ZYG11B: variants seen among roughly 807,000 people sequenced by gnomAD.
The protein encoded by ZYG11B is zyg-11 family member B, cell cycle regulator, also known as protein zyg-11 homolog B.
A neutral mutation model predicts 82.4 loss-of-function variants in ZYG11B; 36 were observed. That is an observed-to-expected ratio of 0.44 (90% CI 0.33 to 0.58). ZYG11B has a LOEUF of 0.58. ZYG11B is among the 20% of genes least tolerant of loss of function. ZYG11B has a pLI of 0.02. For synonymous variants in ZYG11B, 303 were observed against 312.8 expected (o/e 0.97, Z 0.33); for missense variants, 552 against 895.6 (o/e 0.62, Z 4.90).
intron 1 of ZYG11B, among the ~76,000 whole-genome samples, chr1:52,731,181 G>A (rs993311974): frequency 1.9e-4 from 29 of 151,754 alleles, no homozygotes; most frequent in African/African-American, 7.0e-4. Context: ...GCTGAGGCAG[G>A]AGAATTGCTT....
At chr1:52,786,188 T>G (rs505444) in intron 5 of ZYG11B, among the ~76,000 whole-genome samples, 35 of 152,092 alleles carry the variant, frequency 2.3e-4, no homozygotes. Flanking sequence ...GTATTGAAAA[T>G]TCACTGGCAA....
intron 10 of ZYG11B, among the ~76,000 whole-genome samples, chr1:52,803,087 C>CACACAT (rs1471683117): frequency 3.5e-4 from 8 of 22,548 alleles, no homozygotes; most frequent in African/African-American, 8.4e-4. Flanking sequence ...TATATATACA[C>CACACAT]ATATATATAT....
At chr1:52,747,765 T>C (rs1210871582) in intron 1 of ZYG11B, among the ~76,000 whole-genome samples, 1 of 152,080 alleles carries the variant, frequency 6.6e-6, no homozygotes, top group African/African-American at 2.4e-5. Context: ...GAATCAGATA[T>C]AAAGGGCAGT....
chr1:52,771,818 C>T lies in ZYG11B; in HGVS notation c.951+44C>T. The T allele has an allele frequency of 6.4e-7, 1 of 1,560,150 alleles. No homozygotes were observed. Among genetic ancestry groups the T allele is most frequent in the Non-Finnish European group, 8.7e-7 (1 of 1,154,114 alleles). ...ATTATTTTGTCAGGCTGACCAATAT[C>T]TTAGTTGCATAAGACTCTATTAAAG... is the stretch of plus-strand genomic sequence containing the variant. On this transcript the variant is annotated intron_variant, in intron 3 of 13. Transcript: ENST00000294353. The surrounding 1 kb of genome is among the most constrained non-coding windows in gnomAD (Gnocchi z 5.4).
chr1:52,797,177 TA>T (rs1645025387), intron 8 of ZYG11B, among the ~76,000 whole-genome samples: 1 of 79,164 alleles, frequency 1.3e-5, no homozygotes, highest in African/African-American at 5.5e-5. Flanking sequence ...ATATTATATA[TA>T]TTTATATATT....
rs1644747832 is a variant in ZYG11B at position 52,771,267 on chromosome 1, C to G, written c.444C>G (p.Leu148=). The G allele has an allele frequency of 6.2e-7, 1 of 1,614,110 alleles. No individual in the cohort carries two copies. The highest frequency in any genetic ancestry group is 1.1e-5 in the South Asian group (1 of 91,088). ...LQCLVLNSLT[L]SLEDPYERCF... ...GCCTGGTGCTGAATTCATTAACTCT[C>G]TCCCTCGAGGATCCTTACGAGCGCT... The change falls in exon 3 of 14, where the codon CTC becomes CTG. Residue 148 remains leucine (L), a synonymous_variant. Transcript: ENST00000294353. This position sits in a 1 kb window ranked among gnomAD's most constrained non-coding sequence, Gnocchi z 5.4.
Position 52,816,824 on chromosome 1 carries a change from T to C in ZYG11B, c.2044+195T>C, listed in dbSNP as rs556999920. Among the ~76,000 whole-genome samples the C allele has an allele frequency of 8.6e-4, 128 of 148,254 alleles. 1 individual carries two copies. Among genetic ancestry groups the C allele is most frequent in the African/African-American group, 3.2e-3 (124 of 38,964 alleles). ...TTTTTTTGAGACGAAGTCTCGCTCT[T>C]GTTCCCCAGGCTGGAGTACAGTGGC... On this transcript the variant is annotated intron_variant, in intron 13 of 13. Transcript: ENST00000294353.
rs1234287164 is a variant in ZYG11B, at chr1:52,729,664, G to A, written c.30+2981G>A. 2.0e-5 allele frequency among the ~76,000 whole-genome samples: 3 copies of A among 152,296 alleles called. No homozygotes were observed. In the East Asian group the frequency reaches 5.8e-4, roughly 29 times the overall value. Reference sequence around the variant, plus strand: ...AGACCAGCCTGGCCAACATGGCAAAGCCTCGTCTCTACTAAAAATACAAAA... The same window carrying A: ...AGACCAGCCTGGCCAACATGGCAAAACCTCGTCTCTACTAAAAATACAAAA... On this transcript the variant is annotated intron_variant, in intron 1 of 13. Coordinates refer to ENST00000294353, the MANE Select transcript of ZYG11B (RefSeq NM_024646.3).
Position 52,826,715 on chromosome 1 carries a change from GC to G in ZYG11B, c.*5088del, listed in dbSNP as rs1178436460. 2.0e-5 allele frequency: 3 copies of G among 152,142 alleles called. No individual in the cohort carries two copies. The highest frequency in any genetic ancestry group is 4.4e-5 in the Non-Finnish European group (3 of 68,046). 9.4% of individuals were successfully genotyped at this position (152,142 alleles called of 1,614,324 possible). A position where few individuals can be genotyped will look rare whatever the true frequency, so the allele number is the denominator to read the frequency against. ...AAGTAAAGCTCTTTTGGATAGCACA[GC>G]CTAACTTTACAGCTAGACAGAATGG... is the stretch of plus-strand genomic sequence containing the variant. On this transcript the variant is annotated 3_prime_UTR_variant, in exon 14 of 14. Coordinates refer to ENST00000294353, the MANE Select transcript of ZYG11B (RefSeq NM_024646.3).
At chr1:52,773,612 TATATATATATATA>T in intron 3 of ZYG11B, among the ~76,000 whole-genome samples, 4 of 18,668 alleles carry the variant, frequency 2.1e-4, no homozygotes, top group South Asian at 2.7e-3. Context: ...TATATATATA[TATATATATATATA>T]TATTTTTTTT....
chr1:52,759,435 G>A (rs1158510006), intron 2 of ZYG11B, among the ~76,000 whole-genome samples: 4 of 152,198 alleles, frequency 2.6e-5, no homozygotes, highest in Non-Finnish European at 5.9e-5. Context: ...TAATAGGAGT[G>A]GGTTTTAAGC....
intron 1 of ZYG11B, among the ~76,000 whole-genome samples, chr1:52,732,228 C>T (rs1352508079): frequency 1.3e-5 from 2 of 151,950 alleles, no homozygotes; most frequent in Non-Finnish European, 2.9e-5. Flanking sequence ...AATTGAAATC[C>T]CTTCCAAGCT....
intron 2 of ZYG11B, among the ~76,000 whole-genome samples, chr1:52,758,646 G>C (rs1644600380): frequency 6.6e-6 from 1 of 152,048 alleles, no homozygotes; most frequent in African/African-American, 2.4e-5. Context: ...AAGTATAAGT[G>C]CCAATAATGT....
intron 10 of ZYG11B, 70 bp downstream of exon 10, chr1:52,802,209 G>A (rs1645080609): frequency 6.7e-7 from 1 of 1,497,942 alleles, no homozygotes; most frequent in Non-Finnish European, 9.1e-7. Flanking sequence ...CACATTGAAA[G>A]TTGCAGCTCT....
intron 1 of ZYG11B, among the ~76,000 whole-genome samples, chr1:52,745,164 T>C (rs927016365): frequency 2.0e-5 from 3 of 152,158 alleles, no homozygotes; most frequent in African/African-American, 7.2e-5. Flanking sequence ...CAAAACAAAC[T>C]AACCAACAAA....
intron 8 of ZYG11B, among the ~76,000 whole-genome samples, chr1:52,800,365 A>G (rs976487801): frequency 8.6e-5 from 13 of 152,034 alleles, no homozygotes; most frequent in African/African-American, 2.9e-4. Flanking sequence ...GTAGAAAAAG[A>G]TGCTTATTTT....
At chr1:52,769,173 T>C (rs1010642184) in intron 2 of ZYG11B, among the ~76,000 whole-genome samples, 23 of 152,172 alleles carry the variant, frequency 1.5e-4, no homozygotes, top group African/African-American at 4.8e-4. Flanking sequence ...ACTTGACATA[T>C]AGTAATTGTT....
intron 8 of ZYG11B, among the ~76,000 whole-genome samples, chr1:52,797,095 T>TA (rs1645021766): frequency 9.7e-4 from 71 of 73,354 alleles, no homozygotes; most frequent in African/African-American, 5.7e-3. Context: ...TATTTATATA[T>TA]TACATATTGT....
chr1:52,791,253 G>A (rs1349991418), intron 6 of ZYG11B, among the ~76,000 whole-genome samples: 8 of 150,264 alleles, frequency 5.3e-5, no homozygotes, highest in Admixed American at 1.3e-4. Flanking sequence ...GATTACAGGC[G>A]TGAGCCACCA....
Sources: allele counts gnomAD v4.1 joint callset (sites outside exome capture counted in the v4.1 genomes callset), GRCh38; gene constraint gnomAD v4.1.1; non-coding constraint Gnocchi (gnomAD v3.1); transcripts MANE v1.5; gene names NCBI Gene and HGNC (gene_info 2026-07-23, HGNC 2026-07-21).